CCL17: variants seen among roughly 807,000 people sequenced by gnomAD.
The protein encoded by CCL17 is C-C motif chemokine 17.
In CCL17, 8 loss-of-function variants were observed where a neutral mutation model predicts 7.4. The observed-to-expected ratio is 1.09, with a 90% CI of 0.64 to 1.96. CCL17 has a LOEUF of 1.96. CCL17 is among the 30% of genes most tolerant of loss of function. The pLI is 0.00. For synonymous variants in CCL17, 40 were observed against 46.1 expected, an observed-to-expected ratio of 0.87 and a Z score of 0.54; for missense variants, 102 against 113.0, an observed-to-expected ratio of 0.90 and a Z score of 0.44.
Position 57,415,010 on chromosome 16 carries a change from AC to A in CCL17, c.71-65del. Reference sequence around the variant, plus strand: ...ACGCACATGCAGATCTTCCACGAACACCCCCCAGAGGTCCCCGCAACACACA... The same window carrying A: ...ACGCACATGCAGATCTTCCACGAACACCCCCAGAGGTCCCCGCAACACACA... On this transcript the variant is annotated intron_variant, in intron 2 of 3. Coordinates refer to ENST00000219244, the MANE Select transcript of CCL17 (RefSeq NM_002987.3). This position sits in a 1 kb window ranked among gnomAD's most constrained non-coding sequence, Gnocchi z 4.5. 3.1e-6 allele frequency: 3 copies of A among 959,420 alleles called. No homozygotes were observed. The highest frequency in any genetic ancestry group is 1.7e-5 in the Admixed American group (1 of 58,748). The allele number at this position is 959,420 out of a possible 1,614,324, so 59.4% of individuals were successfully genotyped here.
upstream of CCL17, among the ~76,000 whole-genome samples, chr16:57,404,506 G>A (rs986500645): frequency 6.6e-6 from 1 of 152,066 alleles, no homozygotes; most frequent in Non-Finnish European, 1.5e-5. Flanking sequence ...GAGAGCAGGT[G>A]TAGGGGTGGG....
intron 1 of CCL17, among the ~76,000 whole-genome samples, chr16:57,408,086 C>A (rs1230537669): frequency 2.0e-5 from 3 of 151,264 alleles, no homozygotes; most frequent in Non-Finnish European, 4.4e-5. Context: ...CATCCATCTA[C>A]CCATCCATTT....
intron 1 of CCL17, among the ~76,000 whole-genome samples, chr16:57,413,350 G>A (rs562540145): frequency 1.4e-3 from 219 of 152,262 alleles, no homozygotes; most frequent in African/African-American, 5.1e-3. Flanking sequence ...ATGTGCCCAT[G>A]CCCGGCAGCC....
At chr16:57,406,369 G>A (rs1319800220) in intron 1 of CCL17, among the ~76,000 whole-genome samples, 2 of 152,106 alleles carry the variant, frequency 1.3e-5, no homozygotes, top group Non-Finnish European at 2.9e-5. Flanking sequence ...GGGCTCAAGC[G>A]ATCTTCCCAC....
intron 1 of CCL17, among the ~76,000 whole-genome samples, chr16:57,408,603 A>C (rs1285914550): frequency 6.6e-6 from 1 of 151,136 alleles, no homozygotes; most frequent in Admixed American, 6.6e-5. Context: ...GAGTCTCACT[A>C]TATTGCCCAG....
chr16:57,414,149 A>G, intron 2 of CCL17, 147 bp downstream of exon 2: 1 of 572,688 alleles, frequency 1.7e-6, no homozygotes, highest in Non-Finnish European at 3.0e-6. Context: ...CAGCACTAGG[A>G]TTTTGAGGGA....
Position 57,415,081 on chromosome 16 carries a change from C to T in CCL17, c.71C>T (p.Ala24Val). ...CCCTGCCCCGCTCCTCTCCCTGCAG[C>T]TCGAGGGACCAATGTGGGCCGGGAG... Reference protein sequence around the residue: ...LGASLQHIHAARGTNVGRECC... With the variant: ...LGASLQHIHAVRGTNVGRECC... Residue 24 changes from alanine (A) to valine (V), a missense_variant and splice_region_variant, in exon 3 of 4, where the codon GCT becomes GTT. By Grantham distance (64) the Ala-to-Val change is moderately conservative (BLOSUM62 0). Coordinates refer to ENST00000219244, the MANE Select transcript of CCL17 (RefSeq NM_002987.3). This position sits in a 1 kb window ranked among gnomAD's most constrained non-coding sequence, Gnocchi z 4.5. 6.2e-7 allele frequency: 1 copy of T among 1,608,676 alleles called. No individual in the cohort carries two copies. The highest frequency in any genetic ancestry group is 8.5e-7 in the Non-Finnish European group (1 of 1,175,086).
Position 57,415,695 on chromosome 16 carries a change from C to T in CCL17, c.189-70C>T, listed in dbSNP as rs566376966. On this transcript the variant is annotated intron_variant, in intron 3 of 3. Transcript: ENST00000219244. This position sits in a 1 kb window ranked among gnomAD's most constrained non-coding sequence, Gnocchi z 4.5. ...CCTTGGAATCCTGGTCAGCACAGGG[C>T]GGGCCGTCCCAGGGACTCTGGGGGC... 1.5e-4 allele frequency: 144 copies of T among 967,204 alleles called. No homozygotes were observed. Among genetic ancestry groups the T allele is most frequent in the Middle Eastern group, 2.8e-4 (1 of 3,580 alleles). The allele number at this position is 967,204 out of a possible 1,614,324, so 59.9% of individuals were successfully genotyped here.
At chr16:57,405,791 T>C (rs1329511482) in intron 1 of CCL17, among the ~76,000 whole-genome samples, 4 of 150,852 alleles carry the variant, frequency 2.7e-5, no homozygotes, top group African/African-American at 9.8e-5. Flanking sequence ...CCCAGCACTT[T>C]GGGAGGCCGA....
At chr16:57,396,560 G>A in the CCL17 span, among the ~76,000 whole-genome samples, 2 of 152,130 alleles carry the variant, frequency 1.3e-5, no homozygotes, top group Admixed American at 6.5e-5. Context: ...GGGATGAGAA[G>A]GCATTCACTA....
intron 1 of CCL17, among the ~76,000 whole-genome samples, chr16:57,407,311 C>CA (rs1251796617): frequency 6.6e-6 from 1 of 151,952 alleles, no homozygotes; most frequent in Non-Finnish European, 1.5e-5. Flanking sequence ...ATAGGTTTGG[C>CA]AAAAAATGGC....
At chr16:57,398,517 A>G in the CCL17 span, among the ~76,000 whole-genome samples, 4 of 152,184 alleles carry the variant, frequency 2.6e-5, no homozygotes, top group Non-Finnish European at 4.4e-5. Flanking sequence ...TGATTAGAGT[A>G]TAGAGAGGCT....
intron 1 of CCL17, among the ~76,000 whole-genome samples, chr16:57,408,056 C>T (rs1297622437): frequency 6.6e-6 from 1 of 151,796 alleles, no homozygotes; most frequent in African/African-American, 2.4e-5. Context: ...TGCCATCCAT[C>T]CACACATCCA....
chr16:57,415,023 C>A lies in CCL17; in HGVS notation c.71-58C>A. On this transcript the variant is annotated intron_variant, in intron 2 of 3. Transcript: ENST00000219244. This position sits in a 1 kb window ranked among gnomAD's most constrained non-coding sequence, Gnocchi z 4.5. ...TCTTCCACGAACACCCCCCAGAGGTCCCCGCAACACACACGCAGACACTCA... is the reference window on the plus strand; with the variant it reads ...TCTTCCACGAACACCCCCCAGAGGTACCCGCAACACACACGCAGACACTCA... 1 of 1,134,384 alleles carries A rather than the reference C, an allele frequency of 8.8e-7. No homozygotes were observed. The highest frequency in any genetic ancestry group is 1.2e-5 in the South Asian group (1 of 81,484). The allele number at this position is 1,134,384 out of a possible 1,614,324, so 70.3% of individuals were successfully genotyped here.
At chr16:57,399,886 C>A (rs1299272956), upstream of CCL17, among the ~76,000 whole-genome samples, 1 of 152,162 alleles carries the variant, frequency 6.6e-6, no homozygotes, top group Non-Finnish European at 1.5e-5. Context: ...ACCATGGGTG[C>A]AGTCTAGGTC....
Position 57,415,321 on chromosome 16 carries a change from C to A in CCL17, c.188+123C>A. On this transcript the variant is annotated intron_variant, in intron 3 of 3. Coordinates refer to ENST00000219244, the MANE Select transcript of CCL17 (RefSeq NM_002987.3). The surrounding 1 kb of genome is among the most constrained non-coding windows in gnomAD (Gnocchi z 4.5). ...ACAGCGGGGCCTTCCTCCCCAACCC[C>A]TGCAGGCTCCCCACACTGTGGGACC... The A allele has an allele frequency of 1.4e-6, 1 of 703,322 alleles. No homozygotes were observed. 43.6% of individuals were successfully genotyped at this position (703,322 alleles called of 1,614,324 possible).
chr16:57,413,171 C>T (rs924279649), intron 1 of CCL17, among the ~76,000 whole-genome samples: 2 of 152,178 alleles, frequency 1.3e-5, no homozygotes, highest in South Asian at 2.1e-4. Context: ...TTTAGGGGAA[C>T]GTGGTTTCCT....
the CCL17 span, among the ~76,000 whole-genome samples, chr16:57,397,235 G>A: frequency 0.014 from 2,142 of 152,318 alleles, 55 homozygotes; most frequent in African/African-American, 0.048. Flanking sequence ...ACTACTTGTC[G>A]GATGGTCCGG....
At chr16:57,403,436 TAA>T (rs1293876384), upstream of CCL17, among the ~76,000 whole-genome samples, 5 of 16,280 alleles carry the variant, frequency 3.1e-4, 1 homozygote, top group African/African-American at 2.5e-3. Context: ...ATATATATTA[TAA>T]TATATATATT....
Sources: gnomAD v4.1 joint callset for allele counts (sites outside exome capture counted in the v4.1 genomes callset) on GRCh38, gnomAD v4.1.1 for gene constraint, Gnocchi (gnomAD v3.1) non-coding constraint, MANE v1.5 for transcripts, NCBI Gene and HGNC (gene_info 2026-07-23, HGNC 2026-07-21) for gene names.